Variants in PCCA observed in about 807,000 individuals in gnomAD.
PCCA encodes the protein propionyl-CoA carboxylase alpha chain, mitochondrial.
A neutral mutation model predicts 101.3 loss-of-function variants in PCCA; 74 were observed. The observed-to-expected ratio is 0.73, with a 90% CI of 0.61 to 0.89. The LOEUF is 0.89. PCCA is among the 40% of genes least tolerant of loss of function. The pLI is 0.00. For synonymous variants in PCCA, 294 were observed against 313.6 expected (o/e 0.94, Z 0.66); for missense variants, 891 against 907.0 (o/e 0.98, Z 0.23).
intron 12 of PCCA, among the ~76,000 whole-genome samples, chr13:100,286,215 T>A (rs2064632286): frequency 6.6e-6 from 1 of 152,116 alleles, no homozygotes. Context: ...TTTAATAAAA[T>A]TTTCTTTTTA....
At chr13:100,406,138 A>G (rs2077664855) in intron 19 of PCCA, among the ~76,000 whole-genome samples, 1 of 152,054 alleles carries the variant, frequency 6.6e-6, no homozygotes, top group South Asian at 2.1e-4. Context: ...GTATGAGGCC[A>G]TTTTCCCCAC....
At chr13:100,307,698 T>G (rs906979662) in intron 15 of PCCA, among the ~76,000 whole-genome samples, 1 of 152,208 alleles carries the variant, frequency 6.6e-6, no homozygotes, top group Non-Finnish European at 1.5e-5. Context: ...ACCAATTATT[T>G]AAGTAGATGT....
intron 19 of PCCA, among the ~76,000 whole-genome samples, chr13:100,415,570 C>T (rs2078309486): frequency 6.6e-6 from 1 of 152,192 alleles, no homozygotes; most frequent in African/African-American, 2.4e-5. Flanking sequence ...TTTTATCCTT[C>T]ATATCATCTT....
intron 2 of PCCA, among the ~76,000 whole-genome samples, chr13:100,110,983 C>T (rs1042848160): frequency 3.3e-5 from 5 of 151,006 alleles, no homozygotes; most frequent in African/African-American, 9.8e-5. Flanking sequence ...GGGCATGCAC[C>T]ATCACGCCGG....
intron 17 of PCCA, among the ~76,000 whole-genome samples, chr13:100,338,693 G>A (rs1406387672): frequency 6.7e-6 from 1 of 148,402 alleles, no homozygotes; most frequent in African/African-American, 2.5e-5. Context: ...GGTTTATTAG[G>A]CTGTTGTGAG....
chr13:100,416,988 C>A (rs1270455551), intron 19 of PCCA, among the ~76,000 whole-genome samples: 1 of 151,950 alleles, frequency 6.6e-6, no homozygotes, highest in Non-Finnish European at 1.5e-5. Flanking sequence ...GGATTACAGG[C>A]ATGTGCCACC....
At chr13:100,252,934 C>G (rs148206126) in intron 8 of PCCA, among the ~76,000 whole-genome samples, 39 of 152,280 alleles carry the variant, frequency 2.6e-4, no homozygotes, top group African/African-American at 8.2e-4. Context: ...ACTTCCCTTT[C>G]CTGTATCACA....
intron 8 of PCCA, among the ~76,000 whole-genome samples, chr13:100,244,507 A>C (rs977265777): frequency 6.6e-6 from 1 of 151,910 alleles, no homozygotes; most frequent in Non-Finnish European, 1.5e-5. Flanking sequence ...ATTGTTAGTC[A>C]TTCGTGAATA....
chr13:100,497,840 T>C (rs1359677291), intron 21 of PCCA, among the ~76,000 whole-genome samples: 2 of 152,148 alleles, frequency 1.3e-5, no homozygotes, highest in African/African-American at 4.8e-5. Flanking sequence ...ATCACATTCT[T>C]CAGCACTGGA....
chr13:100,405,544 T>C (rs1265578996), intron 19 of PCCA, among the ~76,000 whole-genome samples: 1 of 152,234 alleles, frequency 6.6e-6, no homozygotes, highest in African/African-American at 2.4e-5. Flanking sequence ...AGTCTTATTC[T>C]TTGCCTGAAT....
At chr13:100,117,806 C>A (rs1283079801) in intron 4 of PCCA, among the ~76,000 whole-genome samples, 2 of 151,724 alleles carry the variant, frequency 1.3e-5, no homozygotes, top group Non-Finnish European at 2.9e-5. Context: ...TAAAAAGAAT[C>A]CCCTGGACAG....
At chr13:100,311,255 T>A (rs566999604) in intron 16 of PCCA, among the ~76,000 whole-genome samples, 26 of 152,064 alleles carry the variant, frequency 1.7e-4, no homozygotes, top group Admixed American at 3.3e-4. Context: ...AATTTTTTTT[T>A]AAATAAATAA....
intron 4 of PCCA, among the ~76,000 whole-genome samples, chr13:100,139,246 T>A (rs1265947468): frequency 6.6e-6 from 1 of 152,070 alleles, no homozygotes; most frequent in Non-Finnish European, 1.5e-5. Context: ...TTCACTGACC[T>A]TCTTGAATAT....
At chr13:100,292,951 G>GTGTGTGTGTGTGTGTGTGTGTGTCTGTT (rs2065247886) in intron 12 of PCCA, among the ~76,000 whole-genome samples, 1 of 151,754 alleles carries the variant, frequency 6.6e-6, no homozygotes, top group African/African-American at 2.4e-5. Flanking sequence ...GTGTGTGTGT[G>GTGTGTGTGTGTGTGTGTGTGTGTCTGTT]TGTGTGTGTC....
At chr13:100,349,792 A>G (rs1292415512) in intron 18 of PCCA, among the ~76,000 whole-genome samples, 1 of 152,188 alleles carries the variant, frequency 6.6e-6, no homozygotes, top group Non-Finnish European at 1.5e-5. Flanking sequence ...ACGGCTGGCT[A>G]CACAGCCTGG....
At chr13:100,479,941 T>C (rs2083750671) in intron 21 of PCCA, among the ~76,000 whole-genome samples, 1 of 152,214 alleles carries the variant, frequency 6.6e-6, no homozygotes, top group South Asian at 2.1e-4. Context: ...CCCCCTTGCC[T>C]ACCTGTTCTT....
At chr13:100,227,860 C>T (rs894085655) in intron 7 of PCCA, among the ~76,000 whole-genome samples, 4 of 152,124 alleles carry the variant, frequency 2.6e-5, no homozygotes, top group African/African-American at 9.7e-5. Flanking sequence ...GTTGCTGACA[C>T]ATTTTTAATT....
intron 21 of PCCA, among the ~76,000 whole-genome samples, chr13:100,504,806 GCCTGTAGTCCCA>G (rs2085939551): frequency 1.3e-5 from 2 of 152,128 alleles, no homozygotes; most frequent in African/African-American, 4.8e-5. Context: ...GGTGGAACGT[GCCTGTAGTCCCA>G]ACTACTCGGG....
chr13:100,418,740 G>A lies in PCCA; in HGVS notation c.1747-6893G>A, dbSNP rs146244431. ...TCCCAACTACTCGGGAGGCTGAGGT[G>A]GGAGAATCATTGGAACCCAGGCAGT... On this transcript the variant is annotated intron_variant, in intron 19 of 23. Coordinates refer to ENST00000376285, the MANE Select transcript of PCCA (RefSeq NM_000282.4). 3.1e-3 allele frequency among the ~76,000 whole-genome samples: 476 copies of A among 151,882 alleles called. 3 individuals carry two copies. The highest frequency in any genetic ancestry group is 0.011 in the African/African-American group (438 of 41,436).
Sources: allele counts gnomAD v4.1 joint callset (sites outside exome capture counted in the v4.1 genomes callset), GRCh38; gene constraint gnomAD v4.1.1; transcripts MANE v1.5; gene names NCBI Gene and HGNC (gene_info 2026-07-23, HGNC 2026-07-21).